ATL3: variants seen among roughly 807,000 people sequenced by gnomAD.
ATL3 encodes the protein atlastin-3.
In ATL3, 49 loss-of-function variants were observed where a neutral mutation model predicts 69.5. The ratio of observed to expected loss-of-function variants is 0.71; its 90% CI spans 0.56 to 0.89. The LOEUF is 0.89. Among genes scored for constraint, ATL3 ranks in the 40% least tolerant of loss-of-function variants. The pLI is 0.00. For missense variants in ATL3, 606 were observed against 645.7 expected, an observed-to-expected ratio of 0.94 and a Z score of 0.67; for synonymous variants, 214 against 224.1, an observed-to-expected ratio of 0.95 and a Z score of 0.40.
At chr11:63,657,927 G>A (rs950311551) in intron 3 of ATL3, among the ~76,000 whole-genome samples, 9 of 151,260 alleles carry the variant, frequency 6.0e-5, no homozygotes, top group African/African-American at 1.9e-4. Flanking sequence ...TGTGATCTCG[G>A]CTCACTGCAA....
At chr11:63,656,001 G>C (rs1276972342) in intron 3 of ATL3, among the ~76,000 whole-genome samples, 1 of 151,882 alleles carries the variant, frequency 6.6e-6, no homozygotes, top group Non-Finnish European at 1.5e-5. Flanking sequence ...AAGGCGGGCA[G>C]ATCACGAGGT....
chr11:63,671,130 C>A (rs555225541), intron 1 of ATL3, among the ~76,000 whole-genome samples, 160 bp downstream of exon 1: 2 of 152,244 alleles, frequency 1.3e-5, no homozygotes, highest in African/African-American at 2.4e-5. Context: ...GGGGCCCCCC[C>A]ACCACAAATT....
At chr11:63,639,146 C>T (rs1245662587) in intron 8 of ATL3, among the ~76,000 whole-genome samples, 1 of 152,134 alleles carries the variant, frequency 6.6e-6, no homozygotes, top group Non-Finnish European at 1.5e-5. Context: ...AGGTCTCCTA[C>T]AATAAACTGT....
intron 6 of ATL3, among the ~76,000 whole-genome samples, chr11:63,644,517 G>A (rs1939805992): frequency 6.6e-6 from 1 of 150,914 alleles, no homozygotes; most frequent in Non-Finnish European, 1.5e-5. Flanking sequence ...AGCCTCCCAA[G>A]TAGCCGGGAC....
intron 8 of ATL3, among the ~76,000 whole-genome samples, chr11:63,641,230 A>G (rs1939691948): frequency 1.3e-5 from 2 of 152,178 alleles, no homozygotes; most frequent in African/African-American, 2.4e-5. Flanking sequence ...GAGACTAAAG[A>G]TTGCTCATAC....
At chr11:63,633,276 A>G (rs954798947) in intron 10 of ATL3, among the ~76,000 whole-genome samples, 179 bp from the exon 11 acceptor site, 2 of 152,198 alleles carry the variant, frequency 1.3e-5, no homozygotes, top group Admixed American at 6.5e-5. Flanking sequence ...CAAATTTTCT[A>G]CCAAAAAAAG....
Position 63,631,079 on chromosome 11 carries a change from G to A in ATL3, c.1500C>T (p.Gly500=), listed in dbSNP as rs202227458. ...ATGCGGCACCAAAATCAATAGCTCC[G>A]CCCAGCTCACGATATTGACCAGAAT... The part of the protein sequence containing the change: ...IRYSGQYREL[G]GAIDFGAAYV... The change falls in exon 12 of 13, where the codon GGC becomes GGT. Residue 500 remains glycine (G), a synonymous_variant. Transcript: ENST00000398868. The A allele has an allele frequency of 1.9e-5, 30 of 1,613,862 alleles. No individual in the cohort carries two copies. The Admixed American group carries it at 2.2e-4, about 12-fold the overall frequency.
At chr11:63,639,115 A>G (rs933072579) in intron 8 of ATL3, among the ~76,000 whole-genome samples, 2 of 152,182 alleles carry the variant, frequency 1.3e-5, no homozygotes, top group African/African-American at 4.8e-5. Context: ...AAATTCTGAA[A>G]ACTACGTTAG....
intron 7 of ATL3, 83 bp downstream of exon 7, chr11:63,644,086 G>T: frequency 3.5e-6 from 3 of 859,000 alleles, no homozygotes; most frequent in Non-Finnish European, 5.7e-6. Flanking sequence ...TTCAATAATT[G>T]CTTTAAACAC....
chr11:63,629,122 T>C lies in ATL3; in HGVS notation c.*197A>G, dbSNP rs2134456968. 1.8e-6 allele frequency: 1 copy of C among 564,692 alleles called. No homozygotes were observed. Among genetic ancestry groups the C allele is most frequent in the South Asian group, 2.6e-5 (1 of 38,070 alleles). The allele number at this position is 564,692 out of a possible 1,614,324, so 35.0% of individuals were successfully genotyped here. A position where few individuals can be genotyped will look rare whatever the true frequency, so the allele number is the denominator to read the frequency against. On this transcript the variant is annotated 3_prime_UTR_variant, in exon 13 of 13. Coordinates refer to ENST00000398868, the MANE Select transcript of ATL3 (RefSeq NM_015459.5). ...CTATAACAGCAAGGAAAAGAAATGC[T>C]TCCAAGAGAAATGGAAGTGTGTTTA...
chr11:63,671,514 C>T (rs549076031), upstream of ATL3: 147 of 1,441,784 alleles, frequency 1.0e-4, no homozygotes, highest in Non-Finnish European at 1.3e-4. Flanking sequence ...TCTGCGTGGC[C>T]CAACGGACAG....
chr11:63,631,031 A>T lies in ATL3; in HGVS notation c.1539+9T>A. ...ATCAACCCTCAGGCTCTTCAGCAGC[A>T]CCACTTACCTGCTCCAACACATATG... On this transcript the variant is annotated intron_variant, in intron 12 of 12. Transcript: ENST00000398868. The T allele has an allele frequency of 6.3e-7, 1 of 1,595,128 alleles. No individual in the cohort carries two copies. The highest frequency in any genetic ancestry group is 8.5e-7 in the Non-Finnish European group (1 of 1,169,936).
chr11:63,636,115 TAA>T, intron 9 of ATL3, 90 bp downstream of exon 9: 2 of 1,524,060 alleles, frequency 1.3e-6, no homozygotes, highest in Non-Finnish European at 1.8e-6. Flanking sequence ...AGAAAATTTT[TAA>T]GTTTCAAAAT....
intron 10 of ATL3, among the ~76,000 whole-genome samples, chr11:63,633,900 T>A (rs1440041318): frequency 6.6e-6 from 1 of 150,562 alleles, no homozygotes; most frequent in Non-Finnish European, 1.5e-5. Flanking sequence ...CCAGGCGTGG[T>A]GATGTGCGCC....
intron 5 of ATL3, among the ~76,000 whole-genome samples, chr11:63,647,910 C>G (rs1443000837): frequency 6.6e-6 from 1 of 152,162 alleles, no homozygotes; most frequent in Admixed American, 6.5e-5. Flanking sequence ...CAGGGGCCAA[C>G]AAGGAAGAAG....
At position 63,627,910 on chromosome 11, in the gene ATL3, CTTCA is replaced by C. The variant is rs1395111754; in HGVS notation, c.*1405_*1408del. On this transcript the variant is annotated 3_prime_UTR_variant, in exon 13 of 13. Transcript: ENST00000398868. ...ACTAAATAAAATGGGTTAATTTTAG[CTTCA>C]TTATTAAGAACATTAGACACGGCAG... 2.0e-5 allele frequency: 3 copies of C among 152,116 alleles called. No individual in the cohort carries two copies. The highest frequency in any genetic ancestry group is 4.4e-5 in the Non-Finnish European group (3 of 68,020). The allele number at this position is 152,116 out of a possible 1,614,324, so 9.4% of individuals were successfully genotyped here. A position where few individuals can be genotyped will look rare whatever the true frequency, so the allele number is the denominator to read the frequency against.
At chr11:63,661,043 G>A (rs1198284039) in intron 1 of ATL3, among the ~76,000 whole-genome samples, 4 of 150,448 alleles carry the variant, frequency 2.7e-5, no homozygotes, top group East Asian at 3.9e-4. Flanking sequence ...GTAAAGCCCC[G>A]TCTCTATAAA....
Position 63,644,238 on chromosome 11 carries a change from A to G in ATL3, c.642T>C (p.Asp214=), listed in dbSNP as rs151040560. The change falls in exon 7 of 13, where the codon GAT becomes GAC. Residue 214 remains aspartate (D), a synonymous_variant. Coordinates refer to ENST00000398868, the MANE Select transcript of ATL3 (RefSeq NM_015459.5). The part of the protein sequence containing the change: ...PFQTLMFLVR[D]WSFPYEYSYG... Reference sequence around the variant, plus strand: ...AGCTATATTCATAAGGGAAACTCCAATCTCTAACCAAAAACATCAGTGTCT... The same window carrying G: ...AGCTATATTCATAAGGGAAACTCCAGTCTCTAACCAAAAACATCAGTGTCT... 206 of 1,607,996 alleles carry G rather than the reference A, an allele frequency of 1.3e-4. 1 individual carries two copies. In the East Asian group the frequency reaches 2.7e-3, roughly 21 times the overall value.
At chr11:63,657,781 A>G (rs1940301695) in intron 3 of ATL3, among the ~76,000 whole-genome samples, 2 of 152,172 alleles carry the variant, frequency 1.3e-5, no homozygotes. Flanking sequence ...AGAAAATAAC[A>G]GTTCATAAAA....
Sources: allele counts gnomAD v4.1 joint callset (sites outside exome capture counted in the v4.1 genomes callset), GRCh38; gene constraint gnomAD v4.1.1; transcripts MANE v1.5; gene names NCBI Gene and HGNC (gene_info 2026-07-23, HGNC 2026-07-21).